The following GRM8 variants were observed in gnomAD, a reference collection of about 807,000 sequenced individuals.
GRM8 encodes the protein metabotropic glutamate receptor 8.
Under a neutral mutation model 87.2 loss-of-function variants are expected in GRM8, and 47 were observed. The ratio of observed to expected loss-of-function variants is 0.54; its 90% CI spans 0.43 to 0.69. GRM8 has a LOEUF of 0.69. Among genes scored for constraint, GRM8 ranks in the 30% least tolerant of loss-of-function variants. The pLI, the probability that GRM8 is intolerant of heterozygous loss-of-function variation, is 0.00. For synonymous variants in GRM8, 396 were observed against 404.5 expected (o/e 0.98, Z 0.25); for missense variants, 1,019 against 1,139.2 (o/e 0.89, Z 1.52).
At chr7:126,824,711 A>G (rs954782564) in intron 6 of GRM8, among the ~76,000 whole-genome samples, 2 of 152,230 alleles carry the variant, frequency 1.3e-5, no homozygotes, top group Non-Finnish European at 2.9e-5. Context: ...TGAGATACCA[A>G]TGGAAGTATC....
intron 7 of GRM8, among the ~76,000 whole-genome samples, chr7:126,761,455 T>C (rs1817584271): frequency 6.6e-6 from 1 of 152,140 alleles, no homozygotes; most frequent in Admixed American, 6.5e-5. Flanking sequence ...ACATGTACCT[T>C]TACTTTCCTA....
chr7:127,227,388 T>C (rs1008882780), intron 2 of GRM8, among the ~76,000 whole-genome samples: 1 of 152,148 alleles, frequency 6.6e-6, no homozygotes, highest in African/African-American at 2.4e-5. Flanking sequence ...TCCTAATACA[T>C]CCATCCAACC....
At chr7:126,981,538 T>A (rs1811526318) in intron 3 of GRM8, among the ~76,000 whole-genome samples, 1 of 152,162 alleles carries the variant, frequency 6.6e-6, no homozygotes, top group Admixed American at 6.5e-5. Flanking sequence ...TCACTCTTCC[T>A]CTTCTTATAA....
intron 3 of GRM8, among the ~76,000 whole-genome samples, chr7:126,952,765 G>GT (rs1329669680): frequency 2.6e-5 from 4 of 152,000 alleles, no homozygotes; most frequent in African/African-American, 9.7e-5. Context: ...GGCAAAATAA[G>GT]TATTCTATAC....
chr7:127,005,031 C>T (rs2132060817), intron 3 of GRM8, among the ~76,000 whole-genome samples: 1 of 150,830 alleles, frequency 6.6e-6, no homozygotes, highest in South Asian at 2.1e-4. Flanking sequence ...GGAAAAAAAC[C>T]ATCATTTTGT....
At chr7:127,139,437 C>G (rs1021807551) in intron 2 of GRM8, among the ~76,000 whole-genome samples, 1 of 152,046 alleles carries the variant, frequency 6.6e-6, no homozygotes, top group African/African-American at 2.4e-5. Flanking sequence ...AAGCAAAAAT[C>G]TCAGAAAGAA....
chr7:126,879,561 A>G (rs1301908780), intron 6 of GRM8, among the ~76,000 whole-genome samples: 1 of 152,138 alleles, frequency 6.6e-6, no homozygotes, highest in Admixed American at 6.5e-5. Context: ...TTATTTCCAG[A>G]ATTTTCTTAA....
chr7:126,844,032 G>A (rs1796500264), intron 6 of GRM8, among the ~76,000 whole-genome samples: 2 of 152,168 alleles, frequency 1.3e-5, no homozygotes, highest in Admixed American at 1.3e-4. Context: ...TACATCTAAA[G>A]AATTAATGTG....
chr7:126,839,854 A>T (rs1267461856), intron 6 of GRM8, among the ~76,000 whole-genome samples: 1 of 152,180 alleles, frequency 6.6e-6, no homozygotes, highest in Non-Finnish European at 1.5e-5. Context: ...ATTATTCACA[A>T]GATCACTTTC....
chr7:127,040,274 C>T (rs1460751598), intron 3 of GRM8, among the ~76,000 whole-genome samples: 1 of 151,978 alleles, frequency 6.6e-6, no homozygotes, highest in African/African-American at 2.4e-5. Flanking sequence ...GGTTTCAGAG[C>T]AGAGCTGTTG....
intron 7 of GRM8, among the ~76,000 whole-genome samples, chr7:126,644,769 A>G (rs1372423085): frequency 6.6e-6 from 1 of 152,240 alleles, no homozygotes; most frequent in East Asian, 1.9e-4. Context: ...CTGCAGTGAC[A>G]ACCATGACCA....
chr7:126,586,953 G>C (rs945375989), intron 8 of GRM8, among the ~76,000 whole-genome samples: 11 of 151,974 alleles, frequency 7.2e-5, no homozygotes, highest in African/African-American at 2.7e-4. Flanking sequence ...CTAATATCCA[G>C]AATCTACAAA....
intron 7 of GRM8, among the ~76,000 whole-genome samples, chr7:126,756,830 C>T (rs1585803646): frequency 6.6e-6 from 1 of 152,026 alleles, no homozygotes; most frequent in Non-Finnish European, 1.5e-5. Flanking sequence ...ACTATGGATA[C>T]TCCTATACAT....
chr7:126,919,887 C>CA (rs1322102797), intron 3 of GRM8, among the ~76,000 whole-genome samples: 3 of 152,122 alleles, frequency 2.0e-5, no homozygotes, highest in African/African-American at 4.8e-5. Flanking sequence ...ATAGCAGCAG[C>CA]AAAAAAAGGA....
intron 6 of GRM8, among the ~76,000 whole-genome samples, chr7:126,778,292 T>C (rs1049378507): frequency 6.6e-6 from 1 of 152,138 alleles, no homozygotes; most frequent in African/African-American, 2.4e-5. Context: ...ACTGAAGAGC[T>C]CTAGATCAGT....
At chr7:126,812,870 T>C (rs1793431918) in intron 6 of GRM8, among the ~76,000 whole-genome samples, 1 of 152,084 alleles carries the variant, frequency 6.6e-6, no homozygotes, top group Non-Finnish European at 1.5e-5. Flanking sequence ...GTTTCTCATC[T>C]CTGCTGGAAC....
rs915593784 is a variant in GRM8 at position 126,583,183 on chromosome 7, C to T, written c.1494+26179G>A. ...CCAGCCTGGCCAACATGGTGAAACC[C>T]CATCTCTACTAAAAATACAAAAATT... is the stretch of plus-strand genomic sequence containing the variant. On this transcript the variant is annotated intron_variant, in intron 8 of 10. Transcript: ENST00000339582. Among the ~76,000 whole-genome samples the T allele has an allele frequency of 7.2e-5, 11 of 152,044 alleles. 1 individual carries two copies. Among genetic ancestry groups the T allele is most frequent in the Admixed American group, 7.2e-4 (11 of 15,260 alleles).
intron 3 of GRM8, among the ~76,000 whole-genome samples, chr7:127,022,294 G>A (rs946990749): frequency 4.6e-5 from 7 of 151,874 alleles, no homozygotes; most frequent in Admixed American, 2.0e-4. Flanking sequence ...GGTCTGTAAG[G>A]ATCTTCTAGA....
At chr7:127,017,491 G>A (rs1018854) in intron 3 of GRM8, among the ~76,000 whole-genome samples, 77,055 of 151,804 alleles carry the variant, frequency 0.51, 19,750 homozygotes, top group African/African-American at 0.54. Flanking sequence ...AATAGCCCTT[G>A]GTGATATAAA....
Sources: gnomAD v4.1 joint callset for allele counts (sites outside exome capture counted in the v4.1 genomes callset) on GRCh38, gnomAD v4.1.1 for gene constraint, MANE v1.5 for transcripts, NCBI Gene and HGNC (gene_info 2026-07-23, HGNC 2026-07-21) for gene names.